The following PTGR3 variants were observed in gnomAD, a reference collection of about 807,000 sequenced individuals.
PTGR3 encodes the protein zinc binding alcohol dehydrogenase domain containing 2.
chr18:75,207,764 T>C, the PTGR3 span, among the ~76,000 whole-genome samples: 1 of 152,238 alleles, frequency 6.6e-6, no homozygotes, highest in Non-Finnish European at 1.5e-5. Flanking sequence ...AAATGCTGCA[T>C]CAAGCTACTT....
At chr18:75,200,433 C>T in the PTGR3 span, 3 of 152,276 alleles carry the variant, frequency 2.0e-5, no homozygotes, top group East Asian at 1.9e-4. Flanking sequence ...GCTTCTAGTT[C>T]GAACGCCTCT....
chr18:75,205,251 A>G, the PTGR3 span: 23 of 985,552 alleles, frequency 2.3e-5, no homozygotes, highest in Non-Finnish European at 2.8e-5. Flanking sequence ...GTTCAAGCGC[A>G]GCAGGCGCAA....
chr18:75,201,305 G>T, the PTGR3 span: 1 of 971,064 alleles, frequency 1.0e-6, no homozygotes, highest in Non-Finnish European at 1.5e-6. Context: ...CCTTACTTTT[G>T]TTTTAAGAAA....
the PTGR3 span, chr18:75,208,856 C>T: frequency 6.6e-7 from 1 of 1,508,580 alleles, no homozygotes; most frequent in South Asian, 1.2e-5. Flanking sequence ...TCACCGGTTC[C>T]GGACGAGGAG....
At chr18:75,200,805 C>T in the PTGR3 span, 2 of 152,108 alleles carry the variant, frequency 1.3e-5, no homozygotes, top group African/African-American at 2.4e-5. Context: ...AAAGCCATTA[C>T]GTGCTACTTC....
the PTGR3 span, chr18:75,208,938 G>A: frequency 1.3e-6 from 2 of 1,589,508 alleles, no homozygotes; most frequent in South Asian, 1.1e-5. Context: ...TTGGGGCTCA[G>A]CCGGGTCACC....
At chr18:75,204,552 G>A in the PTGR3 span, among the ~76,000 whole-genome samples, 1 of 152,264 alleles carries the variant, frequency 6.6e-6, no homozygotes, top group Non-Finnish European at 1.5e-5. Flanking sequence ...CCGCGTGCCC[G>A]TCCAGGCTCC....
At chr18:75,208,590 G>A in the PTGR3 span, 47 of 975,994 alleles carry the variant, frequency 4.8e-5, no homozygotes, top group South Asian at 1.8e-3. Context: ...GGAGGGGAGG[G>A]GAATCCCAAA....
chr18:75,196,980 T>C, the PTGR3 span: 1 of 152,220 alleles, frequency 6.6e-6, no homozygotes, highest in Non-Finnish European at 1.5e-5. Context: ...TATCAACTAC[T>C]ACTAAGAATC....
the PTGR3 span, chr18:75,201,664 T>C: frequency 1.2e-6 from 2 of 1,614,188 alleles, no homozygotes. Context: ...CTGGCAGATT[T>C]CTTGAGCAGT....
At chr18:75,207,886 A>T in the PTGR3 span, among the ~76,000 whole-genome samples, 68 of 152,302 alleles carry the variant, frequency 4.5e-4, no homozygotes, top group African/African-American at 1.6e-3. Flanking sequence ...CGATATTATT[A>T]TTCAACTTGA....
chr18:75,205,438 G>T, the PTGR3 span: 4 of 985,408 alleles, frequency 4.1e-6, no homozygotes, highest in Non-Finnish European at 4.8e-6. Context: ...AATCCGACGG[G>T]AGGATCCACT....
chr18:75,206,959 TCCCCA>T, the PTGR3 span, among the ~76,000 whole-genome samples: 2 of 151,852 alleles, frequency 1.3e-5, no homozygotes, highest in African/African-American at 4.8e-5. Context: ...TGTGCCTCTC[TCCCCA>T]GGGGAGAACT....
chr18:75,208,943 G>C, the PTGR3 span: 1 of 1,591,252 alleles, frequency 6.3e-7, no homozygotes. Context: ...GCTCAGCCGG[G>C]TCACCACCAG....
At chr18:75,195,532 C>A in the PTGR3 span, 14 of 152,306 alleles carry the variant, frequency 9.2e-5, no homozygotes, top group South Asian at 2.1e-4. Context: ...GGACCGGGCA[C>A]CTTTTCTCTC....
At chr18:75,207,167 G>A in the PTGR3 span, among the ~76,000 whole-genome samples, 1 of 152,216 alleles carries the variant, frequency 6.6e-6, no homozygotes, top group East Asian at 1.9e-4. Context: ...ACCAGGCTGT[G>A]GCTTATAGTT....
chr18:75,198,676 G>A, the PTGR3 span: 2 of 152,196 alleles, frequency 1.3e-5, no homozygotes, highest in African/African-American at 2.4e-5. Context: ...CAGATCACTG[G>A]GACTCCTTGG....
the PTGR3 span, chr18:75,201,826 C>G: frequency 1.2e-6 from 2 of 1,614,136 alleles, no homozygotes; most frequent in Middle Eastern, 1.6e-4. Context: ...TAGACCACAT[C>G]GACACCTTCA....
the PTGR3 span, chr18:75,202,221 G>A: frequency 1.9e-6 from 3 of 1,614,070 alleles, no homozygotes; most frequent in Non-Finnish European, 1.7e-6. Flanking sequence ...GGCACTAGCA[G>A]AGAGGCCTAG....
Sources: gnomAD v4.1 joint callset for allele counts (sites outside exome capture counted in the v4.1 genomes callset) on GRCh38, gnomAD v4.1.1 for gene constraint, MANE v1.5 for transcripts, NCBI Gene and HGNC (gene_info 2026-07-23, HGNC 2026-07-21) for gene names.